FUT8: variants seen among roughly 807,000 people sequenced by gnomAD.
FUT8 encodes fucosyltransferase 8, also known as alpha-(1,6)-fucosyltransferase.
Under a neutral mutation model 71.3 loss-of-function variants are expected in FUT8, and 29 were observed. The observed-to-expected ratio is 0.41, with a 90% CI of 0.30 to 0.55. The LOEUF (loss-of-function observed/expected upper bound fraction) is 0.55. Ranked by LOEUF, FUT8 falls within the 20% of genes least tolerant of loss-of-function variation. The pLI is 0.34. For missense variants in FUT8, 544 were observed against 702.1 expected (o/e 0.77, Z 2.55); for synonymous variants, 254 against 239.3 (o/e 1.06, Z -0.57).
At chr14:65,693,758 A>C (rs1893839640) in intron 7 of FUT8, among the ~76,000 whole-genome samples, 1 of 152,254 alleles carries the variant, frequency 6.6e-6, no homozygotes, top group African/African-American at 2.4e-5. Flanking sequence ...GAAATTATAC[A>C]GAATTGGCAT....
the FUT8 span, among the ~76,000 whole-genome samples, chr14:65,405,081 C>G: frequency 6.6e-6 from 1 of 152,336 alleles, no homozygotes; most frequent in African/African-American, 2.4e-5. Flanking sequence ...TACAGCTATC[C>G]TCCTCATGGT....
At chr14:65,584,680 A>G (rs1364219515) in intron 3 of FUT8, among the ~76,000 whole-genome samples, 1 of 152,228 alleles carries the variant, frequency 6.6e-6, no homozygotes, top group African/African-American at 2.4e-5. Flanking sequence ...GTCAAGTTCT[A>G]ATATTTTAAT....
At position 65,603,574 on chromosome 14, in the gene FUT8, A is replaced by G. The variant is rs1318880220; in HGVS notation, c.204-12404A>G. On this transcript the variant is annotated intron_variant, in intron 3 of 10. Coordinates refer to ENST00000673929, the MANE Select transcript of FUT8 (RefSeq NM_001371533.1). This position sits in a 1 kb window ranked among gnomAD's most constrained non-coding sequence, Gnocchi z 4.5. ...AATTTGTAGATTTGGCGGTATGGCA[A>G]TTTTCACAATGACCATAAGCTCATT... is the stretch of plus-strand genomic sequence containing the variant. Among the ~76,000 whole-genome samples, 1 of 151,502 alleles carries G rather than the reference A, an allele frequency of 6.6e-6. No homozygotes were observed. The highest frequency in any genetic ancestry group is 2.4e-5 in the African/African-American group (1 of 41,280).
intron 1 of FUT8, among the ~76,000 whole-genome samples, chr14:65,417,167 C>T (rs1232216354): frequency 6.6e-6 from 1 of 152,054 alleles, no homozygotes; most frequent in East Asian, 1.9e-4. Context: ...GTTGCCCAGG[C>T]TGGTCTTGAA....
chr14:65,475,080 T>C (rs1490535168), intron 2 of FUT8, among the ~76,000 whole-genome samples: 1 of 152,212 alleles, frequency 6.6e-6, no homozygotes, highest in East Asian at 1.9e-4. Context: ...TGATCTCATA[T>C]TTCTTTGTAT....
intron 2 of FUT8, among the ~76,000 whole-genome samples, chr14:65,524,495 A>G (rs1006444656): frequency 6.2e-4 from 94 of 152,178 alleles, no homozygotes; most frequent in African/African-American, 2.1e-3. Flanking sequence ...GGGTTTTCTA[A>G]ATATACAATC....
At chr14:65,642,634 C>G (rs942963591) in intron 6 of FUT8, among the ~76,000 whole-genome samples, 4 of 150,664 alleles carry the variant, frequency 2.7e-5, no homozygotes, top group Non-Finnish European at 4.4e-5. Context: ...ATCAATTGAC[C>G]ATACATGTGT....
intron 2 of FUT8, among the ~76,000 whole-genome samples, chr14:65,461,482 T>G (rs967815860): frequency 6.6e-6 from 1 of 152,210 alleles, no homozygotes; most frequent in Admixed American, 6.5e-5. Flanking sequence ...AGGTACAGTG[T>G]TTGCTCTCAG....
At chr14:65,373,651 A>G in the FUT8 span, among the ~76,000 whole-genome samples, 3 of 152,014 alleles carry the variant, frequency 2.0e-5, no homozygotes, top group African/African-American at 7.2e-5. Flanking sequence ...AATGAGCCAC[A>G]CCCCTGTTGC....
intron 2 of FUT8, among the ~76,000 whole-genome samples, chr14:65,514,820 A>G (rs1401519315): frequency 6.6e-6 from 1 of 152,182 alleles, no homozygotes; most frequent in Non-Finnish European, 1.5e-5. Flanking sequence ...CTGGTCATCA[A>G]ATCACTTCTT....
At chr14:65,686,969 T>C (rs1393742306) in intron 7 of FUT8, among the ~76,000 whole-genome samples, 1 of 152,216 alleles carries the variant, frequency 6.6e-6, no homozygotes, top group African/African-American at 2.4e-5. Flanking sequence ...CTTCTTCATA[T>C]GGCCTTTCAG....
intron 3 of FUT8, among the ~76,000 whole-genome samples, chr14:65,588,620 T>C (rs1887517275): frequency 6.6e-6 from 1 of 152,208 alleles, no homozygotes. Flanking sequence ...CTCTTAGTCC[T>C]GCAGAGATCA....
At chr14:65,635,581 A>G (rs377692421) in intron 6 of FUT8, among the ~76,000 whole-genome samples, 1 of 152,198 alleles carries the variant, frequency 6.6e-6, no homozygotes, top group Non-Finnish European at 1.5e-5. Context: ...TTCTGCATCT[A>G]TTGAAATGGT....
At position 65,643,594 on chromosome 14, in the gene FUT8, C is replaced by T. The variant is rs1337781880; in HGVS notation, c.597+13988C>T. Reference sequence around the variant, plus strand: ...GCGTGAACCTGGGAGGCGGAGCTTGCAGTGAGCAGAGATCATGCCACTGCA... The same window carrying T: ...GCGTGAACCTGGGAGGCGGAGCTTGTAGTGAGCAGAGATCATGCCACTGCA... On this transcript the variant is annotated intron_variant, in intron 6 of 10. Transcript: ENST00000673929. This position sits in a 1 kb window ranked among gnomAD's most constrained non-coding sequence, Gnocchi z 4.5. 6.6e-6 allele frequency among the ~76,000 whole-genome samples: 1 copy of T among 151,038 alleles called. No individual in the cohort carries two copies. The highest frequency in any genetic ancestry group is 1.5e-5 in the Non-Finnish European group (1 of 67,866).
intron 1 of FUT8, among the ~76,000 whole-genome samples, chr14:65,443,718 TAAAAA>T (rs11317208): frequency 7.1e-6 from 1 of 140,288 alleles, no homozygotes; most frequent in Non-Finnish European, 1.6e-5. Flanking sequence ...GGACCTCTAA[TAAAAA>T]AAAAAAAAAA....
At chr14:65,496,700 T>C (rs928094064) in intron 2 of FUT8, among the ~76,000 whole-genome samples, 5 of 152,166 alleles carry the variant, frequency 3.3e-5, no homozygotes, top group African/African-American at 1.2e-4. Flanking sequence ...TTAAACCTCT[T>C]TTCTTTATAA....
intron 1 of FUT8, among the ~76,000 whole-genome samples, chr14:65,435,968 A>G (rs956341853): frequency 4.6e-5 from 6 of 130,684 alleles, no homozygotes; most frequent in African/African-American, 1.8e-4. Flanking sequence ...TTGCCGTGTT[A>G]CCCAGACTGG....
At chr14:65,543,280 T>C (rs1282690747) in intron 2 of FUT8, among the ~76,000 whole-genome samples, 2 of 152,214 alleles carry the variant, frequency 1.3e-5, no homozygotes, top group African/African-American at 2.4e-5. Context: ...GAAAATGACT[T>C]TGAATCTTAG....
intron 2 of FUT8, among the ~76,000 whole-genome samples, chr14:65,473,240 G>T (rs1166536652): frequency 6.6e-6 from 1 of 152,008 alleles, no homozygotes; most frequent in Non-Finnish European, 1.5e-5. Context: ...ATAGTTTATT[G>T]TACGTATTGC....
Sources: gnomAD v4.1 joint callset for allele counts (sites outside exome capture counted in the v4.1 genomes callset) on GRCh38, gnomAD v4.1.1 for gene constraint, Gnocchi (gnomAD v3.1) non-coding constraint, MANE v1.5 for transcripts, NCBI Gene and HGNC (gene_info 2026-07-23, HGNC 2026-07-21) for gene names.